The following SFMBT2 variants were observed in gnomAD, a reference collection of about 807,000 sequenced individuals.
SFMBT2 encodes the protein Scm like with four mbt domains 2, also known as scm-like with four MBT domains protein 2.
Under a neutral mutation model 110.1 loss-of-function variants are expected in SFMBT2, and 38 were observed. That is an observed-to-expected ratio of 0.35 (90% CI 0.27 to 0.45). The LOEUF is 0.45. Ranked by LOEUF, SFMBT2 falls within the 20% of genes least tolerant of loss-of-function variation. The probability of loss-of-function intolerance (pLI) is 1.00; values close to 1 mark genes in which losing one functional copy is unlikely to be tolerated. For missense variants in SFMBT2, 1,011 were observed against 1,094.9 expected (o/e 0.92, Z 1.08); for synonymous variants, 425 against 425.4 (o/e 1.00, Z 0.01).
chr10:7,389,035 G>A (rs574034485), intron 1 of SFMBT2, among the ~76,000 whole-genome samples: 4 of 152,276 alleles, frequency 2.6e-5, no homozygotes, highest in Admixed American at 6.5e-5. Context: ...TCAACAGAAC[G>A]CCGTAGAAAT....
chr10:7,169,217 C>T (rs771282798), intron 20 of SFMBT2, among the ~76,000 whole-genome samples: 41 of 152,218 alleles, frequency 2.7e-4, no homozygotes, highest in Non-Finnish European at 4.9e-4. Flanking sequence ...CTGCCTGTCT[C>T]GGCCTCCCAA....
At chr10:7,219,452 A>G (rs992281780) in intron 11 of SFMBT2, among the ~76,000 whole-genome samples, 8 of 152,232 alleles carry the variant, frequency 5.3e-5, no homozygotes, top group African/African-American at 1.7e-4. Flanking sequence ...AATCCCCTGG[A>G]CTACATATGT....
intron 1 of SFMBT2, among the ~76,000 whole-genome samples, chr10:7,383,464 C>T (rs1845484830): frequency 6.6e-6 from 1 of 152,178 alleles, no homozygotes; most frequent in Non-Finnish European, 1.5e-5. Context: ...AGGTACATAG[C>T]ACTGAAATTT....
chr10:7,181,459 C>T (rs1196028928), intron 16 of SFMBT2, among the ~76,000 whole-genome samples: 2 of 152,172 alleles, frequency 1.3e-5, no homozygotes, highest in Non-Finnish European at 2.9e-5. Flanking sequence ...AGGCCTTCAA[C>T]TTATCCCAAA....
At chr10:7,284,295 C>A in intron 5 of SFMBT2, 145 bp from the exon 6 acceptor site, 1 of 1,446,136 alleles carries the variant, frequency 6.9e-7, no homozygotes, top group Non-Finnish European at 9.1e-7. Flanking sequence ...CCCATCCTTG[C>A]CCAGCCCATG....
chr10:7,395,111 G>A (rs1292365207), intron 1 of SFMBT2, among the ~76,000 whole-genome samples: 1 of 152,138 alleles, frequency 6.6e-6, no homozygotes, highest in Non-Finnish European at 1.5e-5. Context: ...CTGAGGTCAG[G>A]AGTTCGAGAC....
intron 2 of SFMBT2, among the ~76,000 whole-genome samples, chr10:7,373,097 G>T (rs1338300908): frequency 6.6e-6 from 1 of 152,222 alleles, no homozygotes; most frequent in Non-Finnish European, 1.5e-5. Context: ...TCTAGCAGGG[G>T]CTATCTGGGT....
intron 1 of SFMBT2, among the ~76,000 whole-genome samples, chr10:7,406,275 C>G (rs1398686689): frequency 6.6e-6 from 1 of 152,014 alleles, no homozygotes; most frequent in East Asian, 1.9e-4. Flanking sequence ...AAAGAAAACT[C>G]TGATAATCTG....
At chr10:7,201,532 A>G (rs1362558511) in intron 13 of SFMBT2, among the ~76,000 whole-genome samples, 1 of 152,160 alleles carries the variant, frequency 6.6e-6, no homozygotes, top group African/African-American at 2.4e-5. Flanking sequence ...ACCCACAAAA[A>G]AATACCTACA....
intron 11 of SFMBT2, among the ~76,000 whole-genome samples, chr10:7,210,312 A>G (rs993258438): frequency 2.0e-5 from 3 of 152,180 alleles, no homozygotes; most frequent in Non-Finnish European, 4.4e-5. Context: ...ACACAGTTCT[A>G]TCAAACTCCT....
rs1474447612 is a variant in SFMBT2 at position 7,243,623 on chromosome 10, T to C, written c.1055A>G (p.Asp352Gly). 2.3e-6 allele frequency: 2 copies of C among 872,934 alleles called. No individual in the cohort carries two copies. The highest frequency in any genetic ancestry group is 2.6e-5 in the South Asian group (2 of 76,544). The allele number at this position is 872,934 out of a possible 1,614,324, so 54.1% of individuals were successfully genotyped here. ...PSKLSMLCHA[D>G]SLGILPVQWC... ...CTGTACTGGCAAAATCCCCAAAGAATCTGCATGGCACAGCATTGACAGTTT... is the reference window on the plus strand; with the variant it reads ...CTGTACTGGCAAAATCCCCAAAGAACCTGCATGGCACAGCATTGACAGTTT... The change falls in exon 9 of 21, where the codon GAT (aspartate) becomes GGT (glycine). Residue 352 changes from aspartate to glycine, a missense_variant. Asp to Gly is a moderately conservative substitution (Grantham distance 94). Around this residue, in one of 2 missense-constraint regions of SFMBT2, gnomAD observed 979 missense variants for 1,016.1 expected, o/e 0.96. Coordinates refer to ENST00000397167, the MANE Select transcript of SFMBT2 (RefSeq NM_001387889.1).
intron 11 of SFMBT2, among the ~76,000 whole-genome samples, chr10:7,216,916 C>T (rs1839562089): frequency 6.6e-6 from 1 of 152,240 alleles, no homozygotes; most frequent in Middle Eastern, 3.2e-3. Context: ...TATCAACTAA[C>T]TCTTCAGTCC....
chr10:7,230,310 G>C (rs1261954832), intron 9 of SFMBT2, among the ~76,000 whole-genome samples: 1 of 152,112 alleles, frequency 6.6e-6, no homozygotes, highest in African/African-American at 2.4e-5. Context: ...GACAGGACCA[G>C]AGCCGACTTT....
chr10:7,346,818 A>C (rs1249465580), intron 4 of SFMBT2, among the ~76,000 whole-genome samples: 1 of 130,156 alleles, frequency 7.7e-6, no homozygotes, highest in African/African-American at 2.6e-5. Flanking sequence ...TAAAGATACA[A>C]AAAAAAAAAA....
At position 7,361,229 on chromosome 10, in the gene SFMBT2, T is replaced by A. The variant is rs894275722; in HGVS notation, c.436+6420A>T. The stretch of plus-strand genomic sequence containing the variant: ...ATGGAACTCCAGTTACAATGTCAGA[T>A]AACCAAAGAAAATAATGTGATTGTT... On this transcript the variant is annotated intron_variant, in intron 4 of 20. Coordinates refer to ENST00000397167, the MANE Select transcript of SFMBT2 (RefSeq NM_001387889.1). 4.6e-5 allele frequency among the ~76,000 whole-genome samples: 7 copies of A among 152,242 alleles called. 2 individuals are homozygous for A. The South Asian group carries it at 1.4e-3, about 31-fold the overall frequency.
intron 13 of SFMBT2, chr10:7,200,928 TG>T: frequency 1.3e-6 from 1 of 794,170 alleles, no homozygotes; most frequent in Non-Finnish European, 1.5e-6. Flanking sequence ...GCGGGAGTCA[TG>T]GCCACACTAA....
chr10:7,371,069 A>C (rs1845050947), intron 2 of SFMBT2, among the ~76,000 whole-genome samples: 1 of 152,226 alleles, frequency 6.6e-6, no homozygotes, highest in South Asian at 2.1e-4. Context: ...AAATACAATC[A>C]AATGCACAAC....
chr10:7,203,148 C>T (rs1351856064), intron 12 of SFMBT2: 1 of 943,514 alleles, frequency 1.1e-6, no homozygotes, highest in Non-Finnish European at 1.3e-6. Flanking sequence ...GATAATCCTA[C>T]ATCTTCCAAC....
intron 20 of SFMBT2, among the ~76,000 whole-genome samples, chr10:7,169,716 T>G (rs1014729439): frequency 7.9e-5 from 12 of 152,152 alleles, no homozygotes; most frequent in African/African-American, 2.9e-4. Context: ...GCAAGGCCAG[T>G]GAGGCAGGAT....
Sources: allele counts gnomAD v4.1 joint callset (sites outside exome capture counted in the v4.1 genomes callset), GRCh38; gene constraint gnomAD v4.1.1; regional missense constraint gnomAD v4.1.1; transcripts MANE v1.5; gene names NCBI Gene and HGNC (gene_info 2026-07-23, HGNC 2026-07-21).